Variants in ADIG observed in about 807,000 individuals in gnomAD.
The protein encoded by ADIG is adipogenesis associated.
In ADIG, 12 loss-of-function variants were observed where a neutral mutation model predicts 10.7. The ratio of observed to expected loss-of-function variants is 1.12; its 90% CI spans 0.72 to 1.82. ADIG has a LOEUF of 1.82. Ranked by LOEUF, ADIG falls within the 40% of genes most tolerant of loss-of-function variation. ADIG has a pLI of 0.00. For missense variants in ADIG, 72 were observed against 92.5 expected (o/e 0.78, Z 0.91); for synonymous variants, 32 against 35.6 (o/e 0.90, Z 0.36).
intron 2 of ADIG, among the ~76,000 whole-genome samples, chr20:38,587,409 G>A (rs1485434035): frequency 6.6e-6 from 1 of 152,054 alleles, no homozygotes; most frequent in Non-Finnish European, 1.5e-5. Context: ...GACCACTGAG[G>A]GCCCTTTTCC....
intron 1 of ADIG, chr20:38,585,749 C>A: frequency 1.6e-6 from 1 of 613,620 alleles, no homozygotes; most frequent in Non-Finnish European, 2.9e-6. Context: ...CTTCCTGGAC[C>A]ATGTCCAGTA....
chr20:38,581,290 T>C lies in ADIG; in HGVS notation c.40T>C (p.Phe14Leu). 1 of 1,613,854 alleles carries C rather than the reference T, an allele frequency of 6.2e-7. No homozygotes were observed. Among genetic ancestry groups the C allele is most frequent in the Non-Finnish European group, 8.5e-7 (1 of 1,179,866 alleles). ...PLMPLVNDLT[F>L]SFLVFWFCLP... is the part of the protein sequence containing the mutation. ...GATGCCGCTGGTGAACGACCTCACA[T>C]TTTCTTTCCTGGTTTTCTGGTTCTG... The change falls in exon 1 of 3, where the codon TTT (phenylalanine) becomes CTT (leucine). Residue 14 changes from phenylalanine to leucine, a missense_variant. Coordinates refer to ENST00000537425, the MANE Select transcript of ADIG (RefSeq NM_001393816.1).
intron 1 of ADIG, among the ~76,000 whole-genome samples, chr20:38,584,740 ACT>A (rs1247538767): frequency 1.3e-5 from 2 of 151,652 alleles, no homozygotes; most frequent in African/African-American, 2.4e-5. Flanking sequence ...TTCAAAAAAT[ACT>A]CTCTCTAGTG....
At chr20:38,584,360 C>T (rs1161512098) in intron 1 of ADIG, among the ~76,000 whole-genome samples, 3 of 152,198 alleles carry the variant, frequency 2.0e-5, no homozygotes, top group Admixed American at 2.0e-4. Flanking sequence ...GGGGAAGATG[C>T]CCTGCTGCCG....
chr20:38,583,395 CCT>C (rs1199743218), intron 1 of ADIG, among the ~76,000 whole-genome samples: 1 of 152,176 alleles, frequency 6.6e-6, no homozygotes, highest in East Asian at 1.9e-4. Flanking sequence ...ACTGTGGACA[CCT>C]CTCTGAGCCT....
chr20:38,584,421 C>T (rs181281723), intron 1 of ADIG, among the ~76,000 whole-genome samples: 37 of 152,314 alleles, frequency 2.4e-4, no homozygotes, highest in Admixed American at 3.9e-4. Context: ...TGAAGGGAAA[C>T]CTCCAAAGAG....
Position 38,588,082 on chromosome 20 carries a change from A to G in ADIG, c.*15-19A>G, listed in dbSNP as rs964319882. ...CATCCCAATGGCATCCCTAGTCCCA[A>G]CCTTCCTTTTGTTTCTAGTTTGGTT... On this transcript the variant is annotated intron_variant, in intron 2 of 2. Coordinates refer to ENST00000537425, the MANE Select transcript of ADIG (RefSeq NM_001393816.1). The G allele has an allele frequency of 1.6e-6, 2 of 1,287,902 alleles. No homozygotes were observed. The highest frequency in any genetic ancestry group is 2.0e-6 in the Non-Finnish European group (2 of 980,392). The allele number at this position is 1,287,902 out of a possible 1,614,324, so 79.8% of individuals were successfully genotyped here.
At position 38,585,850 on chromosome 20, in the gene ADIG, C is replaced by G. The variant is rs188006171; in HGVS notation, c.125-179C>G. On this transcript the variant is annotated intron_variant, in intron 1 of 2. Coordinates refer to ENST00000537425, the MANE Select transcript of ADIG (RefSeq NM_001393816.1). ...GCAGCCTTCTTTCTTGGTCCCTGGT[C>G]ACCCTTTAAGGCCCTGAAGTCTTCC... is the stretch of plus-strand genomic sequence containing the variant. Among the ~76,000 whole-genome samples the G allele has an allele frequency of 4.8e-4, 73 of 152,348 alleles. 1 individual carries two copies. In the Middle Eastern group the frequency reaches 0.014, roughly 28 times the overall value.
rs368605059 is a variant in ADIG at position 38,581,281 on chromosome 20, G to A, written c.31G>A (p.Asp11Asn). Reference sequence around the variant, plus strand: ...GTACCCTTTGATGCCGCTGGTGAACGACCTCACATTTTCTTTCCTGGTTTT... The same window carrying A: ...GTACCCTTTGATGCCGCTGGTGAACAACCTCACATTTTCTTTCCTGGTTTT... MKYPLMPLVN[D>N]LTFSFLVFWF... The change falls in exon 1 of 3, where the codon GAC (aspartate) becomes AAC (asparagine). Residue 11 changes from aspartate to asparagine, a missense_variant. Asp to Asn is a conservative substitution (Grantham distance 23). Transcript: ENST00000537425. 26 of 1,613,646 alleles carry A rather than the reference G, an allele frequency of 1.6e-5. No homozygotes were observed. Among genetic ancestry groups the A allele is most frequent in the East Asian group, 2.2e-5 (1 of 44,892 alleles).
rs570334347 is a variant in ADIG at position 38,585,613 on chromosome 20, G to C, written c.125-416G>C. Reference sequence around the variant, plus strand: ...TCCAGGTGTTTTATTGTTCGTGTGTGCGTGTTTCATCACAAAACAGGGCTA... The same window carrying C: ...TCCAGGTGTTTTATTGTTCGTGTGTCCGTGTTTCATCACAAAACAGGGCTA... On this transcript the variant is annotated intron_variant, in intron 1 of 2. Transcript: ENST00000537425. 1.9e-4 allele frequency: 258 copies of C among 1,347,578 alleles called. 3 individuals are homozygous for C. In the South Asian group the frequency reaches 3.2e-3, roughly 17 times the overall value. 83.5% of individuals were successfully genotyped at this position (1,347,578 alleles called of 1,614,324 possible).
chr20:38,581,745 A>G (rs976018866), intron 1 of ADIG, among the ~76,000 whole-genome samples: 1 of 152,212 alleles, frequency 6.6e-6, no homozygotes. Flanking sequence ...GCTGGGGTGC[A>G]AGGCTCTGTG....
At chr20:38,587,287 G>A (rs1185975145) in intron 2 of ADIG, among the ~76,000 whole-genome samples, 6 of 133,402 alleles carry the variant, frequency 4.5e-5, no homozygotes, top group African/African-American at 1.9e-4. Flanking sequence ...GGTTCATGCA[G>A]TGTGTTCACT....
intron 1 of ADIG, among the ~76,000 whole-genome samples, chr20:38,582,761 G>A (rs1049996833): frequency 3.3e-5 from 5 of 152,250 alleles, no homozygotes; most frequent in Non-Finnish European, 7.4e-5. Flanking sequence ...GCATACTGGC[G>A]ATAAAAGTTG....
At chr20:38,586,469 C>T (rs1240227441) in intron 2 of ADIG, among the ~76,000 whole-genome samples, 3 of 152,192 alleles carry the variant, frequency 2.0e-5, no homozygotes, top group East Asian at 1.9e-4. Context: ...CAGACGTCTG[C>T]GTGGGGCACT....
At chr20:38,586,285 G>C in intron 2 of ADIG, 124 bp downstream of exon 2, 1 of 736,412 alleles carries the variant, frequency 1.4e-6, no homozygotes, top group Non-Finnish European at 2.2e-6. Context: ...GCTGGATGAC[G>C]GGTTCTCTCC....
intron 1 of ADIG, among the ~76,000 whole-genome samples, chr20:38,583,064 C>T (rs1278285988): frequency 6.6e-6 from 1 of 152,088 alleles, no homozygotes; most frequent in Non-Finnish European, 1.5e-5. Context: ...GTGATCCACC[C>T]GCCTCAGCCT....
chr20:38,586,996 C>T (rs2088643259), intron 2 of ADIG, among the ~76,000 whole-genome samples: 1 of 152,104 alleles, frequency 6.6e-6, no homozygotes, highest in African/African-American at 2.4e-5. Flanking sequence ...CCAATGGCCC[C>T]AAAATGTGTG....
At chr20:38,585,587 T>G in intron 1 of ADIG, 1 of 1,496,020 alleles carries the variant, frequency 6.7e-7, no homozygotes, top group Non-Finnish European at 9.1e-7. Context: ...TGGACACAGT[T>G]TCCAGGTGTT....
chr20:38,586,034 GA>G lies in ADIG; in HGVS notation c.131del (p.Glu44GlyfsTer89). Reference sequence around the variant, plus strand: ...CTTGCCTCGTATCTCCACAGATTCAGAGGAAAATGACTCCAGTGTGTGCTTG... The same window carrying G: ...CTTGCCTCGTATCTCCACAGATTCAGGGAAAATGACTCCAGTGTGTGCTTG... ...WLRFLLSQDS[E>X]ENDSSVCLDW... is the part of the protein sequence containing the mutation. On this transcript the variant is annotated frameshift_variant, in exon 2 of 3. Coordinates refer to ENST00000537425, the MANE Select transcript of ADIG (RefSeq NM_001393816.1). LOFTEE classifies it high-confidence loss of function. The G allele has an allele frequency of 3.7e-6, 6 of 1,606,354 alleles. No individual in the cohort carries two copies. Among genetic ancestry groups the G allele is most frequent in the Non-Finnish European group, 5.1e-6 (6 of 1,176,578 alleles).
Sources: allele counts gnomAD v4.1 joint callset (sites outside exome capture counted in the v4.1 genomes callset), GRCh38; gene constraint gnomAD v4.1.1; transcripts MANE v1.5; gene names NCBI Gene and HGNC (gene_info 2026-07-23, HGNC 2026-07-21).